Variants in LHFPL3 observed in about 807,000 individuals in gnomAD.
LHFPL3 encodes LHFPL tetraspan subfamily member 3.
A neutral mutation model predicts 19.3 loss-of-function variants in LHFPL3; 5 were observed. The ratio of observed to expected loss-of-function variants is 0.26; its 90% confidence interval spans 0.14 to 0.54. The LOEUF is 0.54. Ranked by LOEUF, LHFPL3 falls within the 20% of genes least tolerant of loss-of-function variation. The pLI, the probability that LHFPL3 is intolerant of heterozygous loss-of-function variation, is 0.94. For synonymous variants in LHFPL3, 133 were observed against 126.2 expected (o/e 1.05, Z -0.36); for missense variants, 249 against 307.4 (o/e 0.81, Z 1.42).
rs532087979 is a variant in LHFPL3, at chr7:104,590,898, G to T, written c.446-145777G>T. Among the ~76,000 whole-genome samples, 7 of 152,122 alleles carry T rather than the reference G, an allele frequency of 4.6e-5. No homozygotes were observed. In the South Asian group the frequency reaches 1.5e-3, roughly 32 times the overall value. On this transcript the variant is annotated intron_variant, in intron 1 of 2. Transcript: ENST00000424859. ...TTCTTTGTGTCTTTTGATCTTTGTT[G>T]GTTTAAAGTCTGTTTTATCAGAGAC...
chr7:104,658,304 C>T (rs553843870), intron 1 of LHFPL3, among the ~76,000 whole-genome samples: 85 of 152,332 alleles, frequency 5.6e-4, no homozygotes, highest in Admixed American at 2.4e-3. Context: ...CTGTTCCCAA[C>T]ATTGCACACA....
intron 1 of LHFPL3, among the ~76,000 whole-genome samples, chr7:104,569,531 G>A (rs1790187177): frequency 6.6e-6 from 1 of 152,156 alleles, no homozygotes; most frequent in Non-Finnish European, 1.5e-5. Flanking sequence ...ACAATACGAT[G>A]TTATGGGACA....
rs201670577 is a variant in LHFPL3 at position 104,573,404 on chromosome 7, C to T, written c.446-163271C>T. Among the ~76,000 whole-genome samples, 55 of 127,148 alleles carry T rather than the reference C, an allele frequency of 4.3e-4. No individual in the cohort carries two copies. In the East Asian group the frequency reaches 0.012, roughly 29 times the overall value. 83.4% of individuals were successfully genotyped at this position (127,148 alleles called of 152,430 possible). A position where few individuals can be genotyped will look rare whatever the true frequency, so the allele number is the denominator to read the frequency against. On this transcript the variant is annotated intron_variant, in intron 1 of 2. Coordinates refer to ENST00000424859, the MANE Select transcript of LHFPL3 (RefSeq NM_199000.3). ...TCCAGCCTGGGTAATAGAGTAAGAC[C>T]ATCTCAAAAAAAAAAAAAAAGAAAG...
At chr7:104,500,685 C>T (rs1276412249) in intron 1 of LHFPL3, among the ~76,000 whole-genome samples, 1 of 152,166 alleles carries the variant, frequency 6.6e-6, no homozygotes, top group East Asian at 1.9e-4. Flanking sequence ...ACCACCTTTC[C>T]CTCGCCACAG....
chr7:104,603,757 C>T (rs1409322262), intron 1 of LHFPL3, among the ~76,000 whole-genome samples: 1 of 152,164 alleles, frequency 6.6e-6, no homozygotes, highest in Non-Finnish European at 1.5e-5. Flanking sequence ...GTTCAAAACC[C>T]AATAGGAAAA....
chr7:104,769,551 T>C (rs28647236), intron 2 of LHFPL3, among the ~76,000 whole-genome samples: 32,527 of 151,800 alleles, frequency 0.21, 3,805 homozygotes, highest in South Asian at 0.29. Flanking sequence ...GGTGGTTTGC[T>C]GCACCCATCA....
chr7:104,606,857 T>C (rs1791112139), intron 1 of LHFPL3, among the ~76,000 whole-genome samples: 1 of 152,070 alleles, frequency 6.6e-6, no homozygotes, highest in Admixed American at 6.6e-5. Context: ...TGGAAAATGG[T>C]CCTCAGGCAC....
chr7:104,573,494 A>G (rs1263760159), intron 1 of LHFPL3, among the ~76,000 whole-genome samples: 1 of 152,152 alleles, frequency 6.6e-6, no homozygotes, highest in Non-Finnish European at 1.5e-5. Context: ...TAAATGGTAT[A>G]GGAATGAACT....
At chr7:104,870,562 A>C (rs929500753) in intron 2 of LHFPL3, among the ~76,000 whole-genome samples, 3 of 152,244 alleles carry the variant, frequency 2.0e-5, no homozygotes, top group African/African-American at 7.2e-5. Context: ...CTTAAGTCCA[A>C]GAAAGTTTCA....
intron 1 of LHFPL3, among the ~76,000 whole-genome samples, chr7:104,552,325 A>G (rs1024212986): frequency 2.6e-5 from 4 of 152,230 alleles, no homozygotes; most frequent in African/African-American, 9.6e-5. Flanking sequence ...CAACGTGAGC[A>G]GGAATGTAGC....
Position 104,715,027 on chromosome 7 carries a change from G to A in LHFPL3, c.446-21648G>A, listed in dbSNP as rs574988800. Among the ~76,000 whole-genome samples the A allele has an allele frequency of 4.4e-4, 67 of 152,216 alleles. No homozygotes were observed. The South Asian group carries it at 0.013, about 29-fold the overall frequency. ...GATTAGCTAAACTGTGAAAAAGTGTGACTTGGGTGCCTATTAACAATATGT... is the reference window on the plus strand; with the variant it reads ...GATTAGCTAAACTGTGAAAAAGTGTAACTTGGGTGCCTATTAACAATATGT... On this transcript the variant is annotated intron_variant, in intron 1 of 2. Transcript: ENST00000424859.
At chr7:104,820,722 T>G (rs549086331) in intron 2 of LHFPL3, among the ~76,000 whole-genome samples, 2 of 152,066 alleles carry the variant, frequency 1.3e-5, no homozygotes, top group African/African-American at 2.4e-5. Context: ...AGGGAGCACA[T>G]AGGTTGGGAA....
chr7:104,531,617 G>A (rs965419565), intron 1 of LHFPL3, among the ~76,000 whole-genome samples: 3 of 152,178 alleles, frequency 2.0e-5, no homozygotes, highest in Non-Finnish European at 4.4e-5. Flanking sequence ...ACTTCTGCAA[G>A]AGTTACTCCC....
chr7:104,558,256 T>C (rs1262092251), intron 1 of LHFPL3, among the ~76,000 whole-genome samples: 1 of 151,162 alleles, frequency 6.6e-6, no homozygotes, highest in Non-Finnish European at 1.5e-5. Flanking sequence ...ATCGCCACAC[T>C]GACTTCCACA....
intron 1 of LHFPL3, among the ~76,000 whole-genome samples, chr7:104,427,125 C>T (rs915877038): frequency 6.6e-5 from 10 of 152,134 alleles, no homozygotes; most frequent in Non-Finnish European, 1.3e-4. Context: ...AGGAGATCGT[C>T]AAATCCAGGA....
At chr7:104,804,510 C>A (rs1229890778) in intron 2 of LHFPL3, among the ~76,000 whole-genome samples, 1 of 152,188 alleles carries the variant, frequency 6.6e-6, no homozygotes, top group Non-Finnish European at 1.5e-5. Context: ...TTGTAACATG[C>A]TTTTAACCAA....
intron 2 of LHFPL3, among the ~76,000 whole-genome samples, chr7:104,742,548 T>C (rs1269344954): frequency 6.6e-6 from 1 of 152,174 alleles, no homozygotes; most frequent in Non-Finnish European, 1.5e-5. Flanking sequence ...TGTGGTGTAG[T>C]GGAAAGATTG....
At chr7:104,587,288 G>A (rs1790600224) in intron 1 of LHFPL3, among the ~76,000 whole-genome samples, 2 of 151,950 alleles carry the variant, frequency 1.3e-5, no homozygotes, top group Non-Finnish European at 2.9e-5. Context: ...CCCCACAATA[G>A]GCCCCAGTGT....
intron 1 of LHFPL3, among the ~76,000 whole-genome samples, chr7:104,365,428 G>A (rs886943513): frequency 4.7e-5 from 7 of 148,508 alleles, no homozygotes; most frequent in Non-Finnish European, 1.0e-4. Context: ...TGGAGATCCT[G>A]TGATTGTTTT....
Sources: allele counts gnomAD v4.1 joint callset (sites outside exome capture counted in the v4.1 genomes callset), GRCh38; gene constraint gnomAD v4.1.1; transcripts MANE v1.5; gene names NCBI Gene and HGNC (gene_info 2026-07-23, HGNC 2026-07-21).